CNTNAP2: variants seen among roughly 807,000 people sequenced by gnomAD.
CNTNAP2 encodes contactin associated protein 2.
A neutral mutation model predicts 155.2 loss-of-function variants in CNTNAP2; 98 were observed. The observed-to-expected ratio is 0.63, with a 90% CI of 0.54 to 0.75. The LOEUF (loss-of-function observed/expected upper bound fraction) is 0.75. Among genes scored for constraint, CNTNAP2 ranks in the 30% least tolerant of loss-of-function variants. CNTNAP2 has a pLI of 0.00. For synonymous variants in CNTNAP2, 651 were observed against 631.2 expected (o/e 1.03, Z -0.47); for missense variants, 1,727 against 1,688.1 (o/e 1.02, Z -0.40).
At chr7:146,743,245 G>T (rs1041008358) in intron 1 of CNTNAP2, among the ~76,000 whole-genome samples, 2 of 152,148 alleles carry the variant, frequency 1.3e-5, no homozygotes, top group Non-Finnish European at 2.9e-5. Context: ...ACATGTCAGA[G>T]TCCATAGGAG....
At chr7:146,352,908 C>T (rs938145281) in intron 1 of CNTNAP2, among the ~76,000 whole-genome samples, 10 of 150,600 alleles carry the variant, frequency 6.6e-5, no homozygotes, top group African/African-American at 1.5e-4. Context: ...GCACCCGCCA[C>T]CACGCCCGGC....
At chr7:147,687,309 C>A (rs1489169359) in intron 13 of CNTNAP2, among the ~76,000 whole-genome samples, 1 of 152,010 alleles carries the variant, frequency 6.6e-6, no homozygotes, top group East Asian at 1.9e-4. Flanking sequence ...GCCTTGTATA[C>A]AAGTAAGGAT....
At chr7:146,503,715 T>C (rs542614211) in intron 1 of CNTNAP2, among the ~76,000 whole-genome samples, 12 of 152,220 alleles carry the variant, frequency 7.9e-5, no homozygotes, top group Non-Finnish European at 1.8e-4. Context: ...TGTGTGTTCT[T>C]GGTGCCTTTG....
intron 8 of CNTNAP2, among the ~76,000 whole-genome samples, chr7:147,275,754 G>A (rs1804881775): frequency 1.3e-5 from 2 of 152,148 alleles, no homozygotes; most frequent in East Asian, 3.9e-4. Flanking sequence ...TTTCTTAGGG[G>A]AAATGCTTTC....
In CNTNAP2 at chr7:147,836,411, A is replaced by G. The variant is rs539276462; in HGVS notation, c.2099-67154A>G. Among the ~76,000 whole-genome samples the G allele has an allele frequency of 7.5e-4, 113 of 151,368 alleles. 1 individual carries two copies. Among genetic ancestry groups the G allele is most frequent in the Non-Finnish European group, 1.4e-3 (97 of 67,836 alleles). ...TCCAGAACATGCTAGGACCCTTCTC[A>G]CCTCAGGCTTCTATGTGCTCCTCCT... On this transcript the variant is annotated intron_variant, in intron 13 of 23. Transcript: ENST00000361727.
rs1403745507 is a variant in CNTNAP2 at position 147,389,794 on chromosome 7, T to C, written c.1499-5815T>C. 3.3e-5 allele frequency among the ~76,000 whole-genome samples: 5 copies of C among 152,228 alleles called. 1 individual carries two copies. The highest frequency in any genetic ancestry group is 9.6e-5 in the African/African-American group (4 of 41,470). ...TGTAGAAACCAGTTACAATGACCCATGTATAGACATTGTATTTTTTATTCC... is the reference window on the plus strand; with the variant it reads ...TGTAGAAACCAGTTACAATGACCCACGTATAGACATTGTATTTTTTATTCC... On this transcript the variant is annotated intron_variant, in intron 9 of 23. Coordinates refer to ENST00000361727, the MANE Select transcript of CNTNAP2 (RefSeq NM_014141.6).
chr7:146,140,007 T>C (rs1377447307), intron 1 of CNTNAP2, among the ~76,000 whole-genome samples: 1 of 152,164 alleles, frequency 6.6e-6, no homozygotes, highest in African/African-American at 2.4e-5. Context: ...CAAAGCCCTC[T>C]GTTGGAATAT....
intron 16 of CNTNAP2, among the ~76,000 whole-genome samples, chr7:148,145,933 G>C (rs1373460701): frequency 6.6e-6 from 1 of 152,180 alleles, no homozygotes; most frequent in Non-Finnish European, 1.5e-5. Context: ...CGACATGAAG[G>C]ATCAAAATTC....
At chr7:147,307,449 GCA>G (rs5888247) in intron 9 of CNTNAP2, among the ~76,000 whole-genome samples, 45,652 of 151,544 alleles carry the variant, frequency 0.3, 8,738 homozygotes, top group East Asian at 0.7. Context: ...AGGCATGGTG[GCA>G]CACGTGCCTG....
At chr7:147,735,150 T>C (rs1457199160) in intron 13 of CNTNAP2, among the ~76,000 whole-genome samples, 1 of 152,224 alleles carries the variant, frequency 6.6e-6, no homozygotes, top group African/African-American at 2.4e-5. Flanking sequence ...CTTTCTCTTG[T>C]GGGCATTTAG....
intron 13 of CNTNAP2, among the ~76,000 whole-genome samples, chr7:147,650,242 T>G (rs1795429889): frequency 6.6e-6 from 1 of 152,206 alleles, no homozygotes. Flanking sequence ...ACAATAAACT[T>G]CTCTTGGAAA....
At chr7:146,743,995 A>C (rs1801765440) in intron 1 of CNTNAP2, among the ~76,000 whole-genome samples, 1 of 151,968 alleles carries the variant, frequency 6.6e-6, no homozygotes, top group Non-Finnish European at 1.5e-5. Flanking sequence ...GGGAGGCTGA[A>C]GCGGGCAGAT....
chr7:146,972,895 T>A (rs1797831183), intron 3 of CNTNAP2, among the ~76,000 whole-genome samples: 1 of 152,216 alleles, frequency 6.6e-6, no homozygotes, highest in Non-Finnish European at 1.5e-5. Flanking sequence ...TCAGAGGCAC[T>A]AATGAATTAA....
intron 13 of CNTNAP2, among the ~76,000 whole-genome samples, chr7:147,699,644 C>A (rs1238766506): frequency 6.6e-6 from 1 of 151,856 alleles, no homozygotes; most frequent in Non-Finnish European, 1.5e-5. Context: ...AGAAAAATCA[C>A]GAAGGTAGTT....
chr7:147,087,236 A>T (rs984510812), intron 4 of CNTNAP2, among the ~76,000 whole-genome samples: 1 of 152,196 alleles, frequency 6.6e-6, no homozygotes, highest in Non-Finnish European at 1.5e-5. Flanking sequence ...CATTAGATAC[A>T]GTATCTCATT....
intron 22 of CNTNAP2, among the ~76,000 whole-genome samples, chr7:148,401,000 T>A (rs1799571389): frequency 6.6e-6 from 1 of 151,538 alleles, no homozygotes; most frequent in Non-Finnish European, 1.5e-5. Flanking sequence ...AAAAGATTTG[T>A]TATGCTGGAT....
At chr7:147,390,946 C>G (rs1796704674) in intron 9 of CNTNAP2, among the ~76,000 whole-genome samples, 1 of 152,040 alleles carries the variant, frequency 6.6e-6, no homozygotes, top group South Asian at 2.1e-4. Flanking sequence ...AAAAGCCATC[C>G]AAAGTCTCAT....
intron 1 of CNTNAP2, among the ~76,000 whole-genome samples, chr7:146,347,397 G>A (rs973590731): frequency 7.2e-5 from 11 of 152,100 alleles, no homozygotes; most frequent in Non-Finnish European, 8.8e-5. Flanking sequence ...CAGAATCATA[G>A]GTTACTGAAA....
chr7:148,054,866 T>A (rs1802978265), intron 15 of CNTNAP2, among the ~76,000 whole-genome samples: 1 of 150,376 alleles, frequency 6.6e-6, no homozygotes, highest in African/African-American at 2.5e-5. Context: ...CTCCAGTATG[T>A]AAATTAATAG....
Sources: allele counts gnomAD v4.1 joint callset (sites outside exome capture counted in the v4.1 genomes callset), GRCh38; gene constraint gnomAD v4.1.1; transcripts MANE v1.5; gene names NCBI Gene and HGNC (gene_info 2026-07-23, HGNC 2026-07-21).